Variants in HMCN1 observed in about 807,000 individuals in gnomAD.
The protein encoded by HMCN1 is hemicentin-1.
Under a neutral mutation model 625.9 loss-of-function variants are expected in HMCN1, and 321 were observed. That is an observed-to-expected ratio of 0.51 (90% CI 0.47 to 0.56). HMCN1 has a LOEUF of 0.56. HMCN1 is among the 20% of genes least tolerant of loss of function. The probability of loss-of-function intolerance (pLI) is 0.00; values close to 1 mark genes in which losing one functional copy is unlikely to be tolerated. For missense variants in HMCN1, 6,588 were observed against 6,887.3 expected, an observed-to-expected ratio of 0.96 and a Z score of 1.54; for synonymous variants, 2,425 against 2,417.6, an observed-to-expected ratio of 1.00 and a Z score of -0.09.
chr1:185,946,193 G>T (rs1161568496), intron 11 of HMCN1, among the ~76,000 whole-genome samples: 1 of 152,130 alleles, frequency 6.6e-6, no homozygotes, highest in African/African-American at 2.4e-5. Context: ...TAGATACTAA[G>T]GTAGCAGATA....
At chr1:186,120,240 C>T in intron 80 of HMCN1, 95 bp downstream of exon 80, 2 of 1,339,984 alleles carry the variant, frequency 1.5e-6, no homozygotes, top group Admixed American at 2.0e-5. Flanking sequence ...GCTGCTGTTC[C>T]CCCATAGTTC....
chr1:186,178,660 C>A lies in HMCN1; in HGVS notation c.16188C>A (p.Ser5396Arg). The A allele has an allele frequency of 3.1e-6, 5 of 1,613,836 alleles. No homozygotes were observed. The highest frequency in any genetic ancestry group is 4.2e-6 in the Non-Finnish European group (5 of 1,179,680). ...QHYRQYSHLY[S>R]SYSEYRNSRT... ...ACAGACAGTACTCACATCTCTACAG[C>A]TCCTACTCAGAGTATAGAAACAGCA... Residue 5396 changes from serine to arginine, a missense_variant, in exon 104 of 107, where the codon AGC becomes AGA. Physicochemically the swap from Ser to Arg is moderately radical, Grantham distance 110. Coordinates refer to ENST00000271588, the MANE Select transcript of HMCN1 (RefSeq NM_031935.3).
chr1:186,156,690 G>A (rs577801717), intron 97 of HMCN1, among the ~76,000 whole-genome samples: 3 of 152,188 alleles, frequency 2.0e-5, no homozygotes, highest in African/African-American at 4.8e-5. Context: ...TGAATGCTTA[G>A]GAAGTTTTAT....
Position 185,949,256 on chromosome 1 carries a change from C to T in HMCN1, c.1829-13262C>T, listed in dbSNP as rs370627087. ...CAGGGCATGTATGAGTAGTTGAGAA[C>T]GGTGAATATGAGTATGACTAGACAG... On this transcript the variant is annotated intron_variant, in intron 11 of 106. Coordinates refer to ENST00000271588, the MANE Select transcript of HMCN1 (RefSeq NM_031935.3). Among the ~76,000 whole-genome samples, 145 of 151,742 alleles carry T rather than the reference C, an allele frequency of 9.6e-4. 1 individual carries two copies. The highest frequency in any genetic ancestry group is 1.5e-3 in the South Asian group (7 of 4,812).
At chr1:186,096,940 A>C (rs1039948930) in intron 68 of HMCN1, among the ~76,000 whole-genome samples, 6 of 152,160 alleles carry the variant, frequency 3.9e-5, no homozygotes, top group African/African-American at 7.2e-5. Context: ...ACATCACACT[A>C]AACAGGAAAA....
chr1:185,799,040 T>C (rs2102219612), intron 1 of HMCN1, among the ~76,000 whole-genome samples: 1 of 152,352 alleles, frequency 6.6e-6, no homozygotes, highest in Admixed American at 6.5e-5. Flanking sequence ...TACAACTTTT[T>C]TCTTCCTTTT....
In HMCN1 at chr1:186,144,266, C is replaced by T; in HGVS notation, c.14018C>T (p.Pro4673Leu). 6.2e-7 allele frequency: 1 copy of T among 1,614,004 alleles called. No individual in the cohort carries two copies. Among genetic ancestry groups the T allele is most frequent in the Non-Finnish European group, 8.5e-7 (1 of 1,179,954 alleles). The change falls in exon 90 of 107, where the codon CCA becomes CTA. Residue 4673 changes from proline to leucine, a missense_variant. Around this residue, in one of 3 missense-constraint regions of HMCN1, gnomAD observed 1,954 missense variants for 2,013.1 expected, o/e 0.97. Transcript: ENST00000271588. ...TQTRARLCNN[P>L]PPAFGGSYCD... ...ACAAGAGCAAGACTTTGTAATAACC[C>T]ACCACCAGCGTTTGGTGGGTCCTAC...
At chr1:185,764,430 A>G (rs1038306115) in intron 1 of HMCN1, among the ~76,000 whole-genome samples, 1 of 152,072 alleles carries the variant, frequency 6.6e-6, no homozygotes, top group African/African-American at 2.4e-5. Flanking sequence ...ATCTGATGCT[A>G]TTTTTTTAGG....
chr1:185,895,927 T>C (rs1163786886), intron 4 of HMCN1, among the ~76,000 whole-genome samples: 1 of 150,818 alleles, frequency 6.6e-6, no homozygotes, highest in African/African-American at 2.5e-5. Flanking sequence ...TATGTTGTTA[T>C]AGTCTCATTT....
intron 77 of HMCN1, 80 bp from the exon 78 acceptor site, chr1:186,119,111 C>A: frequency 9.8e-7 from 1 of 1,022,538 alleles, no homozygotes; most frequent in Non-Finnish European, 1.5e-6. Flanking sequence ...TTGCAGAAAA[C>A]ACACAAAAGA....
At chr1:185,795,752 C>G (rs1016566824) in intron 1 of HMCN1, among the ~76,000 whole-genome samples, 1 of 152,092 alleles carries the variant, frequency 6.6e-6, no homozygotes, top group South Asian at 2.1e-4. Flanking sequence ...ATTGCAACAC[C>G]GATTTCTTCC....
At chr1:186,164,433 CG>C (rs1651743063) in intron 97 of HMCN1, among the ~76,000 whole-genome samples, 1 of 151,806 alleles carries the variant, frequency 6.6e-6, no homozygotes, top group South Asian at 2.1e-4. Context: ...TAGAGACAGA[CG>C]GGGTTTCACC....
In HMCN1 at chr1:186,038,961, A is replaced by G. The variant is rs750798981; in HGVS notation, c.5984A>G (p.Asn1995Ser). The G allele has an allele frequency of 2.5e-6, 4 of 1,613,050 alleles. No individual in the cohort carries two copies. Among genetic ancestry groups the G allele is most frequent in the African/African-American group, 1.3e-5 (1 of 74,996 alleles). ...GGCATATATAAATGCGTGGCCATCAACTCAGCTGGAGCTACAGAGTTATTT... is the reference window on the plus strand; with the variant it reads ...GGCATATATAAATGCGTGGCCATCAGCTCAGCTGGAGCTACAGAGTTATTT... Reference protein sequence around the residue: ...DAGIYKCVAINSAGATELFYS... With the variant: ...DAGIYKCVAISSAGATELFYS... The change falls in exon 38 of 107, where the codon AAC (asparagine) becomes AGC (serine). Residue 1995 changes from asparagine (N) to serine (S), a missense_variant. Physicochemically the swap from Asn to Ser is conservative, Grantham distance 46. This residue lies in a region of HMCN1 where 4,628 missense variants were observed against 4,853.1 expected (regional missense o/e 0.95). Coordinates refer to ENST00000271588, the MANE Select transcript of HMCN1 (RefSeq NM_031935.3).
At chr1:186,118,697 G>A (rs1037035277) in intron 77 of HMCN1, among the ~76,000 whole-genome samples, 2 of 152,184 alleles carry the variant, frequency 1.3e-5, no homozygotes, top group African/African-American at 4.8e-5. Context: ...ATTGACAAAT[G>A]CTACAGCAGA....
intron 11 of HMCN1, among the ~76,000 whole-genome samples, chr1:185,934,632 T>C (rs79643592): frequency 0.049 from 7,390 of 152,284 alleles, 243 homozygotes; most frequent in Middle Eastern, 0.13. Flanking sequence ...GGTTTTTCAC[T>C]GTTAAGCTGA....
rs143260438 is a variant in HMCN1 at position 186,105,307 on chromosome 1, C to G, written c.10771-1577C>G. Reference sequence around the variant, plus strand: ...AGCCCCCAGACTGATTTTGGTTACTCTGCTCCTTTATGTTTTCATAGCAAT... The same window carrying G: ...AGCCCCCAGACTGATTTTGGTTACTGTGCTCCTTTATGTTTTCATAGCAAT... On this transcript the variant is annotated intron_variant, in intron 69 of 106. Coordinates refer to ENST00000271588, the MANE Select transcript of HMCN1 (RefSeq NM_031935.3). 8.3e-3 allele frequency among the ~76,000 whole-genome samples: 1,270 copies of G among 152,276 alleles called. 22 individuals carry two copies. Among genetic ancestry groups the G allele is most frequent in the South Asian group, 0.042 (205 of 4,828 alleles).
intron 4 of HMCN1, among the ~76,000 whole-genome samples, chr1:185,907,840 A>G (rs912795979): frequency 6.6e-5 from 10 of 151,434 alleles, no homozygotes; most frequent in Non-Finnish European, 1.5e-4. Context: ...TTTTACATAC[A>G]TTTTTTCAAC....
chr1:185,813,899 C>T (rs563188652), intron 1 of HMCN1, among the ~76,000 whole-genome samples: 1 of 152,190 alleles, frequency 6.6e-6, no homozygotes, highest in East Asian at 1.9e-4. Flanking sequence ...CAAGTTTAGA[C>T]TCATCTTGGA....
At chr1:185,735,858 C>A (rs1037108750) in intron 1 of HMCN1, among the ~76,000 whole-genome samples, 2 of 152,178 alleles carry the variant, frequency 1.3e-5, no homozygotes, top group African/African-American at 2.4e-5. Flanking sequence ...CTGAGGGTAG[C>A]CTTGCAAGGG....
Sources: gnomAD v4.1 joint callset for allele counts (sites outside exome capture counted in the v4.1 genomes callset) on GRCh38, gnomAD v4.1.1 for gene constraint, gnomAD v4.1.1 regional missense constraint, MANE v1.5 for transcripts, NCBI Gene and HGNC (gene_info 2026-07-23, HGNC 2026-07-21) for gene names.